RPTOR: variants seen among roughly 807,000 people sequenced by gnomAD.
The protein encoded by RPTOR is regulatory-associated protein of mTOR.
Under a neutral mutation model 169.9 loss-of-function variants are expected in RPTOR, and 21 were observed. The ratio of observed to expected loss-of-function variants is 0.12; its 90% CI spans 0.09 to 0.18. RPTOR has a LOEUF of 0.18. RPTOR is among the 10% of genes least tolerant of loss of function. The pLI, the probability that RPTOR is intolerant of heterozygous loss-of-function variation, is 1.00. For synonymous variants in RPTOR, 732 were observed against 753.2 expected (o/e 0.97, Z 0.46); for missense variants, 1,133 against 1,855.9 (o/e 0.61, Z 7.16).
chr17:80,741,553 G>A (rs1366777410), intron 5 of RPTOR, among the ~76,000 whole-genome samples: 6 of 152,258 alleles, frequency 3.9e-5, no homozygotes, highest in Non-Finnish European at 8.8e-5. Flanking sequence ...GCTGGAGGGT[G>A]GATGGAGGTC....
chr17:80,791,937 T>C (rs564374903), intron 7 of RPTOR, among the ~76,000 whole-genome samples: 1 of 152,258 alleles, frequency 6.6e-6, no homozygotes, highest in South Asian at 2.1e-4. Flanking sequence ...GTTTCCATTT[T>C]ACTATCTCAG....
At chr17:80,567,220 C>T (rs1179381429) in intron 1 of RPTOR, among the ~76,000 whole-genome samples, 1 of 152,084 alleles carries the variant, frequency 6.6e-6, no homozygotes, top group African/African-American at 2.4e-5. Context: ...ATCCACCTGC[C>T]TCAGCCTCTC....
rs1041484983 is a variant in RPTOR at position 80,959,842 on chromosome 17, T to A, written c.3478-236T>A. ...CGCCTCAGGGCCTCAGGGCTGTCCC[T>A]CCAGGGCCAAGGGATAAGGGCGTGA... is the stretch of plus-strand genomic sequence containing the variant. On this transcript the variant is annotated intron_variant, in intron 29 of 33. Coordinates refer to ENST00000306801, the MANE Select transcript of RPTOR (RefSeq NM_020761.3). The surrounding 1 kb of genome is among the most constrained non-coding windows in gnomAD (Gnocchi z 6.7). Among the ~76,000 whole-genome samples the A allele has an allele frequency of 3.9e-5, 6 of 152,130 alleles. No individual in the cohort carries two copies. The highest frequency in any genetic ancestry group is 4.1e-4 in the South Asian group (2 of 4,822).
At chr17:80,806,960 G>A (rs910132242) in intron 7 of RPTOR, among the ~76,000 whole-genome samples, 2 of 152,084 alleles carry the variant, frequency 1.3e-5, no homozygotes, top group African/African-American at 4.8e-5. Context: ...ACTGAAGAAG[G>A]CCAGATTAAC....
At chr17:80,576,604 G>A (rs2064965602) in intron 1 of RPTOR, among the ~76,000 whole-genome samples, 1 of 152,186 alleles carries the variant, frequency 6.6e-6, no homozygotes, top group Admixed American at 6.5e-5. Context: ...ACTTTCCTAT[G>A]GGGCCACCTA....
intron 4 of RPTOR, among the ~76,000 whole-genome samples, chr17:80,727,479 C>T (rs1299335488): frequency 6.6e-6 from 1 of 151,848 alleles, no homozygotes; most frequent in African/African-American, 2.4e-5. Context: ...AGAACGTGGA[C>T]GCTGCACCTC....
intron 17 of RPTOR, among the ~76,000 whole-genome samples, chr17:80,888,846 G>A (rs1361301869): frequency 6.6e-6 from 1 of 152,236 alleles, no homozygotes; most frequent in East Asian, 1.9e-4. Flanking sequence ...CTGGGTGTGA[G>A]AGTGGTGGGC....
chr17:80,772,140 C>T lies in RPTOR; in HGVS notation c.830+17955C>T, dbSNP rs923423391. Among the ~76,000 whole-genome samples the T allele has an allele frequency of 2.0e-5, 3 of 152,148 alleles. No homozygotes were observed. In the South Asian group the frequency reaches 6.2e-4, roughly 31 times the overall value. ...TGCACATAGAGGTGAGGAGGCACCT[C>T]GGGTATCAGGGTAGTGAATGAGTGC... On this transcript the variant is annotated intron_variant, in intron 6 of 33. Transcript: ENST00000306801.
chr17:80,685,536 A>G (rs2065933403), intron 3 of RPTOR, among the ~76,000 whole-genome samples: 1 of 143,508 alleles, frequency 7.0e-6, no homozygotes, highest in African/African-American at 2.6e-5. Flanking sequence ...GGCCTCCCAA[A>G]GTGCTGGGAT....
In RPTOR at chr17:80,633,888, A is replaced by G. The variant is rs2065460623; in HGVS notation, c.265+8095A>G. On this transcript the variant is annotated intron_variant, in intron 2 of 33. Coordinates refer to ENST00000306801, the MANE Select transcript of RPTOR (RefSeq NM_020761.3). The surrounding 1 kb of genome is among the most constrained non-coding windows in gnomAD (Gnocchi z 4.1). Reference sequence around the variant, plus strand: ...CTTTGGCTTCTGTCTTGTTTGCATCATTCGTGGAGCATGTGCTTACTTTGT... The same window carrying G: ...CTTTGGCTTCTGTCTTGTTTGCATCGTTCGTGGAGCATGTGCTTACTTTGT... Among the ~76,000 whole-genome samples the G allele has an allele frequency of 6.6e-6, 1 of 152,028 alleles. No individual in the cohort carries two copies. The highest frequency in any genetic ancestry group is 2.4e-5 in the African/African-American group (1 of 41,368).
rs1555607050 is a variant in RPTOR, at chr17:80,685,644, T to TAA, written c.349-22197_349-22196insAA. On this transcript the variant is annotated intron_variant, in intron 3 of 33. Transcript: ENST00000306801. ...ATATATATATTTTTTTTTTTTTTTT[T>TAA]TTTTTTTTTTTTTGCTGTGAATTAT... Among the ~76,000 whole-genome samples, 18 of 72,288 alleles carry TAA rather than the reference T, an allele frequency of 2.5e-4. No individual in the cohort carries two copies. The East Asian group carries it at 7.2e-3, about 29-fold the overall frequency. 47.4% of individuals were successfully genotyped at this position (72,288 alleles called of 152,430 possible).
chr17:80,603,373 C>T (rs142585570), intron 1 of RPTOR, among the ~76,000 whole-genome samples: 4 of 152,318 alleles, frequency 2.6e-5, no homozygotes, highest in African/African-American at 4.8e-5. Context: ...AGTGCGAACA[C>T]GCATTGAATT....
At chr17:80,794,458 A>G (rs1013118005) in intron 7 of RPTOR, among the ~76,000 whole-genome samples, 4 of 152,228 alleles carry the variant, frequency 2.6e-5, no homozygotes, top group Non-Finnish European at 2.9e-5. Flanking sequence ...CTCACATCAC[A>G]GCTGCTGGGA....
chr17:80,689,973 A>G (rs2065976926), intron 3 of RPTOR, among the ~76,000 whole-genome samples: 1 of 152,214 alleles, frequency 6.6e-6, no homozygotes, highest in Non-Finnish European at 1.5e-5. Context: ...TAATTAAAGT[A>G]GGAAACTTTA....
chr17:80,804,216 G>C (rs1424495643), intron 7 of RPTOR: 1 of 152,426 alleles, frequency 6.6e-6, no homozygotes, highest in African/African-American at 2.4e-5. Context: ...AGCCTGACTA[G>C]TGGCTCCGTT....
chr17:80,628,773 C>G (rs2065415784), intron 2 of RPTOR, among the ~76,000 whole-genome samples: 1 of 152,172 alleles, frequency 6.6e-6, no homozygotes, highest in South Asian at 2.1e-4. Flanking sequence ...CCCAGTACTG[C>G]ACCTGTGAAA....
rs35693819 is a variant in RPTOR at position 80,753,632 on chromosome 17, C to CAAAA, written c.655-361_655-358dup. On this transcript the variant is annotated intron_variant, in intron 5 of 33. Coordinates refer to ENST00000306801, the MANE Select transcript of RPTOR (RefSeq NM_020761.3). ...TGGGCGACAGAGCGAAACTCCGTCT[C>CAAAA]AAAAAAAAAAAAAAAAAAAAGATTG... Among the ~76,000 whole-genome samples the CAAAA allele has an allele frequency of 3.6e-4, 34 of 94,724 alleles. 1 individual carries two copies. The highest frequency in any genetic ancestry group is 7.8e-4 in the South Asian group (2 of 2,578). 62.1% of individuals were successfully genotyped at this position (94,724 alleles called of 152,430 possible). A position where few individuals can be genotyped will look rare whatever the true frequency, so the allele number is the denominator to read the frequency against.
In RPTOR at chr17:80,643,765, C is replaced by A. The variant is rs1207950549; in HGVS notation, c.303C>A (p.Thr101=). The part of the protein sequence containing the change: ...LSMGPQKALE[T]IGANLQKQYE... ...TGGGTCCTCAGAAAGCTCTGGAAAC[C>A]ATCGGTGCAAATTTACAGAAGCAGT... The change falls in exon 3 of 34, where the codon ACC becomes ACA. Residue 101 remains threonine, a synonymous_variant. Transcript: ENST00000306801. The A allele has an allele frequency of 6.2e-7, 1 of 1,613,710 alleles. No individual in the cohort carries two copies.
At chr17:80,692,255 G>A (rs753269360) in intron 3 of RPTOR, among the ~76,000 whole-genome samples, 4 of 151,674 alleles carry the variant, frequency 2.6e-5, no homozygotes, top group Non-Finnish European at 5.9e-5. Context: ...AAGACTATAG[G>A]TGCACGCCAC....
Sources: allele counts gnomAD v4.1 joint callset (sites outside exome capture counted in the v4.1 genomes callset), GRCh38; gene constraint gnomAD v4.1.1; non-coding constraint Gnocchi (gnomAD v3.1); transcripts MANE v1.5; gene names NCBI Gene and HGNC (gene_info 2026-07-23, HGNC 2026-07-21).